Variants in INVS observed in about 807,000 individuals in gnomAD.
INVS encodes the protein inversin.
In INVS, 86 loss-of-function variants were observed where a neutral mutation model predicts 108.8. That is an observed-to-expected ratio of 0.79 (90% CI 0.66 to 0.95). The LOEUF is 0.95. Ranked by LOEUF, INVS falls within the 40% of genes least tolerant of loss-of-function variation. The pLI is 0.00. For missense variants in INVS, 1,169 were observed against 1,297.4 expected, an observed-to-expected ratio of 0.90 and a Z score of 1.52; for synonymous variants, 455 against 473.5, an observed-to-expected ratio of 0.96 and a Z score of 0.51.
intron 16 of INVS, chr9:100,298,431 C>G: frequency 1.6e-6 from 1 of 634,666 alleles, no homozygotes; most frequent in Non-Finnish European, 2.0e-6. Context: ...CCAGGCTCAG[C>G]TGTGCGTGCT....
In INVS at chr9:100,254,242, C is replaced by T. The variant is rs574662486; in HGVS notation, c.1464+1106C>T. Among the ~76,000 whole-genome samples, 42 of 152,162 alleles carry T rather than the reference C, an allele frequency of 2.8e-4. 1 individual carries two copies. The East Asian group carries it at 5.2e-3, about 19-fold the overall frequency. On this transcript the variant is annotated intron_variant, in intron 10 of 16. Transcript: ENST00000262457. ...TAGAGAAGTGTCTGTTCATGTCCTT[C>T]GCCCACTTTTTGATGGGGTTGTTTG...
intron 2 of INVS, among the ~76,000 whole-genome samples, chr9:100,113,768 G>T (rs1180351747): frequency 6.6e-6 from 1 of 152,126 alleles, no homozygotes; most frequent in Non-Finnish European, 1.5e-5. Context: ...TTTGAAATAT[G>T]CAATACAGTA....
intron 13 of INVS, among the ~76,000 whole-genome samples, chr9:100,287,291 A>G (rs1476262177): frequency 6.6e-6 from 1 of 152,228 alleles, no homozygotes; most frequent in African/African-American, 2.4e-5. Flanking sequence ...TAAAAGCCAC[A>G]AGACCTCTTG....
chr9:100,188,096 G>A (rs939958728), intron 3 of INVS, among the ~76,000 whole-genome samples: 7 of 152,138 alleles, frequency 4.6e-5, no homozygotes, highest in African/African-American at 1.7e-4. Flanking sequence ...TTAGGGTTTT[G>A]TAGGTGTACA....
intron 6 of INVS, among the ~76,000 whole-genome samples, chr9:100,241,742 T>G (rs1334342807): frequency 1.3e-5 from 2 of 152,228 alleles, no homozygotes; most frequent in African/African-American, 4.8e-5. Flanking sequence ...AGACCACCTC[T>G]GGAGAGCAGA....
At chr9:100,261,107 T>G (rs978710051) in intron 10 of INVS, among the ~76,000 whole-genome samples, 1 of 152,174 alleles carries the variant, frequency 6.6e-6, no homozygotes, top group Non-Finnish European at 1.5e-5. Context: ...ATTTGCATGT[T>G]AATTATGTTT....
chr9:100,198,553 A>G (rs1348656841), intron 3 of INVS, among the ~76,000 whole-genome samples: 1 of 150,564 alleles, frequency 6.6e-6, no homozygotes, highest in African/African-American at 2.4e-5. Context: ...AGCCTCCCAA[A>G]GTACTGGGAT....
In INVS at chr9:100,126,442, G is replaced by C. The variant is rs778036236; in HGVS notation, c.166G>C (p.Val56Leu). 2.5e-6 allele frequency: 4 copies of C among 1,614,060 alleles called. No individual in the cohort carries two copies. The highest frequency in any genetic ancestry group is 3.4e-6 in the Non-Finnish European group (4 of 1,179,924). ...QFGRTPLMYCVLADRLDCADA... is the reference protein window; with the variant it reads ...QFGRTPLMYCLLADRLDCADA... ...TGGGAGAACACCACTTATGTATTGC[G>C]TGTTGGCTGACAGATTGGATTGTGC... The change falls in exon 3 of 17, where the codon GTG (valine) becomes CTG (leucine). Residue 56 changes from valine to leucine, a missense_variant. Coordinates refer to ENST00000262457, the MANE Select transcript of INVS (RefSeq NM_014425.5).
intron 2 of INVS, among the ~76,000 whole-genome samples, chr9:100,111,668 C>T (rs949078163): frequency 2.0e-5 from 3 of 152,216 alleles, no homozygotes; most frequent in Non-Finnish European, 2.9e-5. Flanking sequence ...ATAAGCTCTA[C>T]GTTTGTACAA....
Position 100,124,106 on chromosome 9 carries a change from G to A in INVS, c.107-2277G>A, listed in dbSNP as rs370833179. 4.6e-5 allele frequency among the ~76,000 whole-genome samples: 7 copies of A among 151,946 alleles called. No homozygotes were observed. In the East Asian group the frequency reaches 5.8e-4, roughly 13 times the overall value. Reference sequence around the variant, plus strand: ...TTATAGGCGTGAGCCACCCTGCTGGGTCTATGTTGTGTTTTTAAATAAATC... The same window carrying A: ...TTATAGGCGTGAGCCACCCTGCTGGATCTATGTTGTGTTTTTAAATAAATC... On this transcript the variant is annotated intron_variant, in intron 2 of 16. Coordinates refer to ENST00000262457, the MANE Select transcript of INVS (RefSeq NM_014425.5).
chr9:100,146,694 AGTTT>A (rs1344815977), intron 3 of INVS, among the ~76,000 whole-genome samples: 23 of 152,282 alleles, frequency 1.5e-4, no homozygotes, highest in East Asian at 7.7e-4. Context: ...TTTAAAAGAC[AGTTT>A]GTTAGGTGAA....
chr9:100,296,962 G>A lies in INVS; in HGVS notation c.2832G>A (p.Gln944=). The part of the protein sequence containing the change: ...KHLSHLRHMK[Q]LGAGDVDRWR... ...TGTCCCACCTTCGGCATATGAAGCA[G>A]CTTGGAGCTGGAGATGTGGACAGAT... The change falls in exon 15 of 17, where the codon CAG becomes CAA. Residue 944 remains glutamine (Q), a synonymous_variant. Transcript: ENST00000262457. 6.2e-7 allele frequency: 1 copy of A among 1,614,092 alleles called. No homozygotes were observed.
chr9:100,218,486 T>C (rs956100071), intron 3 of INVS, among the ~76,000 whole-genome samples: 3 of 152,106 alleles, frequency 2.0e-5, no homozygotes, highest in Admixed American at 6.6e-5. Flanking sequence ...GAGACAGATA[T>C]AGAAAATATG....
intron 13 of INVS, among the ~76,000 whole-genome samples, chr9:100,288,662 C>G (rs368015456): frequency 2.6e-5 from 4 of 151,940 alleles, no homozygotes; most frequent in East Asian, 1.9e-4. Context: ...ACCCTGTCAC[C>G]CAGGCTGGAG....
intron 3 of INVS, among the ~76,000 whole-genome samples, chr9:100,198,264 A>AGT (rs1830435951): frequency 1.5e-5 from 1 of 65,216 alleles, no homozygotes; most frequent in African/African-American, 6.1e-5. Flanking sequence ...GAGGGCTAGA[A>AGT]TTTTTTTTTT....
intron 11 of INVS, among the ~76,000 whole-genome samples, chr9:100,269,890 A>G (rs1432980552): frequency 6.6e-6 from 1 of 152,212 alleles, no homozygotes; most frequent in African/African-American, 2.4e-5. Context: ...ATGTCCTGTA[A>G]TAATAACAAT....
At chr9:100,188,493 C>A (rs1830120293) in intron 3 of INVS, among the ~76,000 whole-genome samples, 1 of 151,986 alleles carries the variant, frequency 6.6e-6, no homozygotes, top group African/African-American at 2.4e-5. Context: ...TATTGACTTG[C>A]AAATGTTAAA....
At chr9:100,300,511 T>C in intron 16 of INVS, 57 bp from the exon 17 acceptor site, 4 of 1,178,132 alleles carry the variant, frequency 3.4e-6, no homozygotes, top group Non-Finnish European at 3.8e-6. Flanking sequence ...AATGAACTAT[T>C]CCCTTCAGCC....
intron 3 of INVS, among the ~76,000 whole-genome samples, chr9:100,212,203 G>A (rs1006998534): frequency 1.3e-5 from 2 of 152,170 alleles, no homozygotes; most frequent in African/African-American, 4.8e-5. Flanking sequence ...AAGCATACAA[G>A]AAGGCATTCT....
Sources: gnomAD v4.1 joint callset for allele counts (sites outside exome capture counted in the v4.1 genomes callset) on GRCh38, gnomAD v4.1.1 for gene constraint, MANE v1.5 for transcripts, NCBI Gene and HGNC (gene_info 2026-07-23, HGNC 2026-07-21) for gene names.